VDR: variants seen among roughly 807,000 people sequenced by gnomAD.
VDR encodes the protein vitamin D3 receptor.
Under a neutral mutation model 39.7 loss-of-function variants are expected in VDR, and 19 were observed. The observed-to-expected ratio is 0.48, with a 90% CI of 0.33 to 0.70. The LOEUF (loss-of-function observed/expected upper bound fraction) is 0.70. VDR is among the 30% of genes least tolerant of loss of function. The pLI, the probability that VDR is intolerant of heterozygous loss-of-function variation, is 0.02. For missense variants in VDR, 442 were observed against 570.5 expected (o/e 0.77, Z 2.29); for synonymous variants, 242 against 215.8 (o/e 1.12, Z -1.07).
intron 1 of VDR, among the ~76,000 whole-genome samples, chr12:47,887,149 T>TA (rs34375931): frequency 4.6e-5 from 7 of 150,880 alleles, no homozygotes; most frequent in African/African-American, 9.7e-5. Context: ...CTGTCTCTAC[T>TA]AAAAAAAAGA....
At chr12:47,870,374 A>T (rs773112644) in intron 3 of VDR, among the ~76,000 whole-genome samples, 2 of 152,196 alleles carry the variant, frequency 1.3e-5, no homozygotes, top group African/African-American at 2.4e-5. Flanking sequence ...TTTGAGAAAC[A>T]AGAGCTTCAG....
intron 7 of VDR, among the ~76,000 whole-genome samples, chr12:47,847,249 G>A (rs960727350): frequency 2.0e-5 from 3 of 152,036 alleles, no homozygotes; most frequent in African/African-American, 7.3e-5. Flanking sequence ...TCTCTAGGAT[G>A]TCTCTCAAGC....
intron 2 of VDR, among the ~76,000 whole-genome samples, chr12:47,881,157 G>A (rs1442856845): frequency 6.6e-6 from 1 of 150,888 alleles, no homozygotes; most frequent in Non-Finnish European, 1.5e-5. Flanking sequence ...CACGTATACT[G>A]TCCTTTTTAC....
intron 1 of VDR, among the ~76,000 whole-genome samples, chr12:47,904,032 C>T (rs1592162945): frequency 6.6e-6 from 1 of 152,032 alleles, no homozygotes; most frequent in Non-Finnish European, 1.5e-5. Context: ...GCTCTGGCCC[C>T]TTTGGCTGCA....
At position 47,882,481 on chromosome 12, in the gene VDR, C is replaced by A. The variant is rs1005327851; in HGVS notation, c.-3+213G>T. Among the ~76,000 whole-genome samples, 116 of 152,184 alleles carry A rather than the reference C, an allele frequency of 7.6e-4. 1 individual carries two copies. The highest frequency in any genetic ancestry group is 2.5e-3 in the African/African-American group (105 of 41,514). On this transcript the variant is annotated intron_variant, in intron 2 of 9. Coordinates refer to ENST00000549336, the MANE Select transcript of VDR (RefSeq NM_000376.3). ...CAGGGTCGTGGCTGGAGCCAGCAAGCCCCATCTCCTGAGCCCTTCTCTGAA... is the reference window on the plus strand; with the variant it reads ...CAGGGTCGTGGCTGGAGCCAGCAAGACCCATCTCCTGAGCCCTTCTCTGAA...
At chr12:47,869,467 T>A (rs1250141825) in intron 3 of VDR, among the ~76,000 whole-genome samples, 1 of 121,618 alleles carries the variant, frequency 8.2e-6, no homozygotes, top group African/African-American at 3.2e-5. Context: ...ACCCGGGAGG[T>A]GGAGCTTGCA....
intron 1 of VDR, among the ~76,000 whole-genome samples, chr12:47,883,610 C>A (rs894393393): frequency 6.6e-6 from 1 of 151,868 alleles, no homozygotes; most frequent in Non-Finnish European, 1.5e-5. Context: ...CAGACATAGA[C>A]AAACAGACAG....
chr12:47,853,380 T>C (rs1945424563), intron 7 of VDR, among the ~76,000 whole-genome samples: 1 of 150,610 alleles, frequency 6.6e-6, no homozygotes, highest in Non-Finnish European at 1.5e-5. Flanking sequence ...GAGGCGGAGC[T>C]TGCAGTGAGC....
intron 3 of VDR, among the ~76,000 whole-genome samples, chr12:47,877,214 C>T (rs537462940): frequency 6.6e-6 from 1 of 152,000 alleles, no homozygotes; most frequent in African/African-American, 2.4e-5. Flanking sequence ...AAGGAGGCCC[C>T]ATCACTACAA....
rs187909955 is a variant in VDR at position 47,876,410 on chromosome 12, G to A, written c.146+2558C>T. ...ACATCCTCAAGCAAATGACAGACAT[G>A]TTGGCTCTTTAGAATGTAGCAGCCT... On this transcript the variant is annotated intron_variant, in intron 3 of 9. Coordinates refer to ENST00000549336, the MANE Select transcript of VDR (RefSeq NM_000376.3). Among the ~76,000 whole-genome samples, 29 of 152,286 alleles carry A rather than the reference G, an allele frequency of 1.9e-4. No individual in the cohort carries two copies. The East Asian group carries it at 3.9e-3, about 20-fold the overall frequency.
intron 5 of VDR, 122 bp from the exon 6 acceptor site, chr12:47,857,371 G>C: frequency 6.2e-7 from 1 of 1,602,980 alleles, no homozygotes; most frequent in Non-Finnish European, 8.5e-7. Flanking sequence ...CCCAGTGCCA[G>C]GGGCAGAGCA....
Position 47,844,847 on chromosome 12 carries a change from C to G in VDR, c.1183G>C (p.Glu395Gln), listed in dbSNP as rs1472591641. 2.0e-5 allele frequency: 33 copies of G among 1,614,094 alleles called. No individual in the cohort carries two copies. The highest frequency in any genetic ancestry group is 1.6e-4 in the Middle Eastern group (1 of 6,084). The change falls in exon 10 of 10, where the codon GAG (glutamate) becomes CAG (glutamine). Residue 395 changes from glutamate (E) to glutamine (Q), a missense_variant. Around this residue, in one of 5 missense-constraint regions of VDR, gnomAD observed 173 missense variants for 252.0 expected, o/e 0.69. Coordinates refer to ENST00000549336, the MANE Select transcript of VDR (RefSeq NM_000376.3). ...CAGCGGTACTGCTTGGAGTGCTCCTCATTGAGGCTGCGCAGGTCGGCTAGC... is the reference window on the plus strand; with the variant it reads ...CAGCGGTACTGCTTGGAGTGCTCCTGATTGAGGCTGCGCAGGTCGGCTAGC... ...QKLADLRSLNEEHSKQYRCLS... is the reference protein window; with the variant it reads ...QKLADLRSLNQEHSKQYRCLS...
At chr12:47,865,234 G>C in intron 3 of VDR, 57 bp from the exon 4 acceptor site, 1 of 1,598,908 alleles carries the variant, frequency 6.3e-7, no homozygotes. Flanking sequence ...TCCTCACCCT[G>C]TCATCACGGA....
In VDR at chr12:47,904,462, T is replaced by TTAAAAA. The variant is rs758574804; in HGVS notation, c.-84+492_-84+493insTTTTTA. On this transcript the variant is annotated intron_variant, in intron 1 of 9. Transcript: ENST00000549336. ...AACTCATTGGTAGTTCAAAGAAAAG[T>TTAAAAA]AAAAAAAAAAAAAAAAAAAAAAAAA... The TTAAAAA allele has an allele frequency of 3.9e-5, 14 of 360,344 alleles. No homozygotes were observed. In the African/African-American group the frequency reaches 5.4e-4, roughly 14 times the overall value. 22.3% of individuals were successfully genotyped at this position (360,344 alleles called of 1,614,324 possible).
chr12:47,853,235 G>A (rs1945420807), intron 7 of VDR, among the ~76,000 whole-genome samples: 1 of 150,926 alleles, frequency 6.6e-6, no homozygotes, highest in African/African-American at 2.4e-5. Flanking sequence ...GAGGTCAGGA[G>A]ATCAAGACCA....
chr12:47,881,119 T>TATACACAC (rs150135188), intron 2 of VDR, among the ~76,000 whole-genome samples: 2 of 149,082 alleles, frequency 1.3e-5, no homozygotes, highest in Non-Finnish European at 1.5e-5. Flanking sequence ...TATATATATA[T>TATACACAC]ACACACACAT....
At chr12:47,876,328 T>C (rs145344796) in intron 3 of VDR, among the ~76,000 whole-genome samples, 119 of 152,236 alleles carry the variant, frequency 7.8e-4, no homozygotes, top group African/African-American at 2.6e-3. Context: ...TTCCCTCAAG[T>C]TTCTGAACAT....
At chr12:47,900,868 A>G (rs1406774383) in intron 1 of VDR, among the ~76,000 whole-genome samples, 2 of 152,226 alleles carry the variant, frequency 1.3e-5, no homozygotes, top group African/African-American at 4.8e-5. Context: ...CACCCTGCTT[A>G]GGACCAGGAC....
chr12:47,873,351 C>CTTTTTTTTTTTTTTTTTTTTTTTTTT (rs71077177), intron 3 of VDR, among the ~76,000 whole-genome samples: 1 of 98,424 alleles, frequency 1.0e-5, no homozygotes, highest in Non-Finnish European at 2.0e-5. Flanking sequence ...AACCTGTTTT[C>CTTTTTTTTTTTTTTTTTTTTTTTTTT]TTTTTTTTTT....
Sources: allele counts gnomAD v4.1 joint callset (sites outside exome capture counted in the v4.1 genomes callset), GRCh38; gene constraint gnomAD v4.1.1; regional missense constraint gnomAD v4.1.1; transcripts MANE v1.5; gene names NCBI Gene and HGNC (gene_info 2026-07-23, HGNC 2026-07-21).